The following ULK4 variants were observed in gnomAD, a reference collection of about 807,000 sequenced individuals.
ULK4 encodes inactive serine/threonine-protein kinase ULK4.
Under a neutral mutation model 160.6 loss-of-function variants are expected in ULK4, and 133 were observed. The observed-to-expected ratio is 0.83, with a 90% CI of 0.72 to 0.96. The LOEUF (loss-of-function observed/expected upper bound fraction) is 0.96, where lower values mean the gene tolerates loss of function less well. ULK4 is among the 40% of genes least tolerant of loss of function. The pLI is 0.00. For synonymous variants in ULK4, 534 were observed against 539.8 expected, an observed-to-expected ratio of 0.99 and a Z score of 0.15; for missense variants, 1,580 against 1,499.5, an observed-to-expected ratio of 1.05 and a Z score of -0.89.
chr3:41,676,145 T>C (rs1440074251), intron 29 of ULK4, among the ~76,000 whole-genome samples: 1 of 152,188 alleles, frequency 6.6e-6, no homozygotes, highest in African/African-American at 2.4e-5. Flanking sequence ...TGGGCATTGA[T>C]ATAAGCCACC....
At chr3:41,579,694 G>T (rs371771681) in intron 31 of ULK4, among the ~76,000 whole-genome samples, 1 of 151,674 alleles carries the variant, frequency 6.6e-6, no homozygotes, top group Non-Finnish European at 1.5e-5. Context: ...GGGTTTCACC[G>T]TGTTAGCCAG....
At chr3:41,922,790 G>A (rs1699238037) in intron 5 of ULK4, among the ~76,000 whole-genome samples, 1 of 152,174 alleles carries the variant, frequency 6.6e-6, no homozygotes, top group Admixed American at 6.5e-5. Context: ...TGGACTCCAT[G>A]CAAAGAGAAA....
At chr3:41,936,063 T>C (rs1699768059) in intron 3 of ULK4, 123 bp from the exon 4 acceptor site, 3 of 1,273,976 alleles carry the variant, frequency 2.4e-6, no homozygotes, top group Non-Finnish European at 3.2e-6. Flanking sequence ...GCTGACAGCC[T>C]GGTCAAGGAA....
At chr3:41,768,477 G>GA (rs1444527969) in intron 21 of ULK4, among the ~76,000 whole-genome samples, 10 of 152,106 alleles carry the variant, frequency 6.6e-5, no homozygotes, top group Non-Finnish European at 1.5e-4. Context: ...TTGTACTCCT[G>GA]AAACAGTCAC....
At chr3:41,436,940 A>C (rs2083049805) in intron 34 of ULK4, among the ~76,000 whole-genome samples, 1 of 152,240 alleles carries the variant, frequency 6.6e-6, no homozygotes, top group Non-Finnish European at 1.5e-5. Context: ...ATATAGCACA[A>C]AGTATCAAGA....
intron 32 of ULK4, among the ~76,000 whole-genome samples, chr3:41,472,290 T>C (rs1627289): frequency 0.59 from 90,294 of 151,924 alleles, 27,973 homozygotes; most frequent in African/African-American, 0.79. Context: ...AAATCTGGGC[T>C]GGGCATGGTG....
intron 31 of ULK4, among the ~76,000 whole-genome samples, chr3:41,570,516 T>TC (rs2087934525): frequency 2.0e-4 from 4 of 19,840 alleles, no homozygotes; most frequent in African/African-American, 1.2e-3. Context: ...ATAAATCTTT[T>TC]ATTTTGGTCC....
intron 17 of ULK4, among the ~76,000 whole-genome samples, chr3:41,840,501 G>A (rs373904205): frequency 1.2e-3 from 177 of 152,302 alleles, no homozygotes; most frequent in African/African-American, 4.1e-3. Flanking sequence ...TTGGCCTGCC[G>A]AGTGCCTGCG....
intron 34 of ULK4, among the ~76,000 whole-genome samples, chr3:41,450,033 T>C (rs2083391239): frequency 6.6e-6 from 1 of 151,750 alleles, no homozygotes; most frequent in South Asian, 2.1e-4. Flanking sequence ...CTTTGATATA[T>C]AATAAAGAAT....
At chr3:41,523,500 AATTTT>A (rs547071947) in intron 32 of ULK4, among the ~76,000 whole-genome samples, 114 of 152,278 alleles carry the variant, frequency 7.5e-4, no homozygotes, top group African/African-American at 2.7e-3. Context: ...TAAAATGGTA[AATTTT>A]ATTTTATATT....
rs1408876383 is a variant in ULK4, at chr3:41,248,162, C to T, written c.3765-1170G>A. On this transcript the variant is annotated intron_variant, in intron 36 of 36. Transcript: ENST00000301831. ...AGACCCATAGCGCAGGTGCCTAGAG[C>T]GAAGGGGCTCTCTAGAGCTGTCTGT... Among the ~76,000 whole-genome samples the T allele has an allele frequency of 5.3e-5, 8 of 152,156 alleles. No homozygotes were observed. The South Asian group carries it at 6.2e-4, about 12-fold the overall frequency.
At chr3:41,677,339 T>G (rs1268983986) in intron 29 of ULK4, among the ~76,000 whole-genome samples, 1 of 151,556 alleles carries the variant, frequency 6.6e-6, no homozygotes, top group Non-Finnish European at 1.5e-5. Flanking sequence ...TTCATTTTTT[T>G]TTTTTTTTTT....
chr3:41,297,175 G>A (rs369289972), intron 35 of ULK4, among the ~76,000 whole-genome samples: 10 of 152,172 alleles, frequency 6.6e-5, no homozygotes, highest in Non-Finnish European at 5.9e-5. Flanking sequence ...TGCTGCCTCC[G>A]TGAGCGCCTG....
chr3:41,791,150 G>A (rs2040138729), intron 20 of ULK4, among the ~76,000 whole-genome samples: 1 of 152,126 alleles, frequency 6.6e-6, no homozygotes, highest in Non-Finnish European at 1.5e-5. Flanking sequence ...TTCTCTCCAA[G>A]AATAATCTTC....
At chr3:41,740,529 C>G (rs2038206516) in intron 22 of ULK4, among the ~76,000 whole-genome samples, 1 of 151,830 alleles carries the variant, frequency 6.6e-6, no homozygotes, top group South Asian at 2.1e-4. Context: ...TGTGAGCCAT[C>G]ATATCATTTT....
In ULK4 at chr3:41,835,979, G is replaced by C. The variant is rs202114865; in HGVS notation, c.1657-8C>G. 1 of 1,343,120 alleles carries C rather than the reference G, an allele frequency of 7.4e-7. No homozygotes were observed. 83.2% of individuals were successfully genotyped at this position (1,343,120 alleles called of 1,614,324 possible). A position where few individuals can be genotyped will look rare whatever the true frequency, so the allele number is the denominator to read the frequency against. On this transcript the variant is annotated splice_polypyrimidine_tract_variant and splice_region_variant and intron_variant, in intron 17 of 36. Coordinates refer to ENST00000301831, the MANE Select transcript of ULK4 (RefSeq NM_017886.4). Reference sequence around the variant, plus strand: ...AGTTAAGAGAACAATTGCCTGCAAAGACAAAAAAAAAAAAAGTAAATTATT... The same window carrying C: ...AGTTAAGAGAACAATTGCCTGCAAACACAAAAAAAAAAAAAGTAAATTATT...
intron 5 of ULK4, 110 bp from the exon 6 acceptor site, chr3:41,919,928 G>A (rs550585103): frequency 6.9e-6 from 4 of 581,556 alleles, no homozygotes; most frequent in South Asian, 3.1e-5. Context: ...AAAAACATGC[G>A]CATGAATAAA....
rs201424516 is a variant in ULK4, at chr3:41,961,550, A to ACCCCCCCCCCCCCCCCCCCCCCCCCCCC, written c.-49+465_-49+466insGGGGGGGGGGGGGGGGGGGGGGGGGGGG. On this transcript the variant is annotated intron_variant, in intron 1 of 36. Coordinates refer to ENST00000301831, the MANE Select transcript of ULK4 (RefSeq NM_017886.4). ...ACTCAGGGGCGCTACGTAGTCACTC[A>ACCCCCCCCCCCCCCCCCCCCCCCCCCCC]CCCCCCCCCCCCCCCCCCCCGCTCC... 2.4e-5 allele frequency among the ~76,000 whole-genome samples: 3 copies of ACCCCCCCCCCCCCCCCCCCCCCCCCCCC among 124,690 alleles called. 1 individual carries two copies. The highest frequency in any genetic ancestry group is 8.5e-5 in the African/African-American group (2 of 23,462). The allele number at this position is 124,690 out of a possible 152,430, so 81.8% of individuals were successfully genotyped here.
At chr3:41,905,438 T>C (rs1045518385) in intron 12 of ULK4, among the ~76,000 whole-genome samples, 6 of 152,196 alleles carry the variant, frequency 3.9e-5, no homozygotes. Context: ...ATGGTTTTTT[T>C]AGATATTACA....
Sources: allele counts gnomAD v4.1 joint callset (sites outside exome capture counted in the v4.1 genomes callset), GRCh38; gene constraint gnomAD v4.1.1; transcripts MANE v1.5; gene names NCBI Gene and HGNC (gene_info 2026-07-23, HGNC 2026-07-21).